The following FRMD6 variants were observed in gnomAD, a reference collection of about 807,000 sequenced individuals.
FRMD6 encodes FERM domain containing 6, also known as FERM domain-containing protein 6.
Under a neutral mutation model 73.2 loss-of-function variants are expected in FRMD6, and 37 were observed. That is an observed-to-expected ratio of 0.51 (90% CI 0.39 to 0.66). The LOEUF (loss-of-function observed/expected upper bound fraction) is 0.66, where lower values mean the gene tolerates loss of function less well. FRMD6 is among the 30% of genes least tolerant of loss of function. The pLI, the probability that FRMD6 is intolerant of heterozygous loss-of-function variation, is 0.00. For synonymous variants in FRMD6, 273 were observed against 282.2 expected, an observed-to-expected ratio of 0.97 and a Z score of 0.33; for missense variants, 714 against 780.5, an observed-to-expected ratio of 0.91 and a Z score of 1.02.
At chr14:51,486,181 C>G (rs899320437), upstream of FRMD6, among the ~76,000 whole-genome samples, 1 of 152,004 alleles carries the variant, frequency 6.6e-6, no homozygotes, top group African/African-American at 2.4e-5. Flanking sequence ...ACTACAGGCG[C>G]CCGCCACCAT....
chr14:51,639,434 C>CAAA (rs200501528), intron 2 of FRMD6, among the ~76,000 whole-genome samples: 1 of 144,722 alleles, frequency 6.9e-6, no homozygotes, highest in Non-Finnish European at 1.5e-5. Context: ...GACTCCATCT[C>CAAA]AAAAAAAAAA....
chr14:51,560,673 A>T (rs900767448), intron 1 of FRMD6, among the ~76,000 whole-genome samples: 2 of 152,154 alleles, frequency 1.3e-5, no homozygotes, highest in African/African-American at 4.8e-5. Flanking sequence ...TAGTAGAGAC[A>T]GGGTTTCACC....
In FRMD6 at chr14:51,525,425, A is replaced by G. The variant is rs879644759; in HGVS notation, c.-210+36005A>G. ...CTGGGACTACAGGTATGCACCACCA[A>G]GCCCAGCTAATTTTTTGTATTTTAG... is the stretch of plus-strand genomic sequence containing the variant. On this transcript the variant is annotated intron_variant, in intron 1 of 14. Transcript: ENST00000356218. Among the ~76,000 whole-genome samples, 13 of 151,756 alleles carry G rather than the reference A, an allele frequency of 8.6e-5. 1 individual carries two copies. The South Asian group carries it at 1.5e-3, about 17-fold the overall frequency.
At chr14:51,488,538 C>A (rs1596484112), upstream of FRMD6, among the ~76,000 whole-genome samples, 1 of 152,230 alleles carries the variant, frequency 6.6e-6, no homozygotes, top group African/African-American at 2.4e-5. Flanking sequence ...GTACTACCAC[C>A]TTCTTGGAAA....
intron 2 of FRMD6, among the ~76,000 whole-genome samples, chr14:51,632,831 A>C (rs1891390915): frequency 6.6e-6 from 1 of 152,248 alleles, no homozygotes; most frequent in Non-Finnish European, 1.5e-5. Context: ...TTTAAAAAAC[A>C]AAACTAACTT....
At chr14:51,682,564 C>G (rs1478930538) in intron 1 of FRMD6, among the ~76,000 whole-genome samples, 1 of 152,094 alleles carries the variant, frequency 6.6e-6, no homozygotes, top group Non-Finnish European at 1.5e-5. Flanking sequence ...ATGAGAATTT[C>G]TATGGATGGT....
intron 9 of FRMD6, chr14:51,713,847 T>C (rs1897095077): frequency 6.6e-6 from 1 of 152,228 alleles, no homozygotes; most frequent in African/African-American, 2.4e-5. Flanking sequence ...GAGCAAATTA[T>C]GACGCACTTG....
upstream of FRMD6, chr14:51,651,746 GCGCGCAGCT>G: frequency 6.8e-6 from 1 of 147,004 alleles, no homozygotes; most frequent in African/African-American, 2.5e-5. Context: ...CGCGAGCTCA[GCGCGCAGCT>G]CCCGCGGCTC....
At chr14:51,633,859 T>C (rs1732307471) in intron 2 of FRMD6, among the ~76,000 whole-genome samples, 1 of 152,218 alleles carries the variant, frequency 6.6e-6, no homozygotes, top group African/African-American at 2.4e-5. Flanking sequence ...GACAATTTGA[T>C]GTATCTTTTA....
intron 1 of FRMD6, among the ~76,000 whole-genome samples, chr14:51,686,858 T>C (rs1205053528): frequency 1.3e-5 from 2 of 152,186 alleles, no homozygotes; most frequent in Non-Finnish European, 2.9e-5. Context: ...CAATTTAAGA[T>C]TAAGTTTTAT....
At chr14:51,610,973 A>G (rs139220916) in intron 2 of FRMD6, among the ~76,000 whole-genome samples, 11 of 152,354 alleles carry the variant, frequency 7.2e-5, no homozygotes, top group African/African-American at 2.6e-4. Flanking sequence ...GCTTAAATAC[A>G]GGCATAAGAG....
the FRMD6 span, among the ~76,000 whole-genome samples, chr14:51,450,793 T>C: frequency 6.6e-6 from 1 of 152,194 alleles, no homozygotes; most frequent in African/African-American, 2.4e-5. Context: ...CTCAAATAGA[T>C]AGATAAATTC....
the FRMD6 span, among the ~76,000 whole-genome samples, chr14:51,430,619 A>T: frequency 6.6e-6 from 1 of 152,012 alleles, no homozygotes; most frequent in African/African-American, 2.4e-5. Context: ...AAAACAAAAA[A>T]CAACAAAAAA....
the FRMD6 span, among the ~76,000 whole-genome samples, chr14:51,447,982 A>G: frequency 1.7e-4 from 26 of 152,306 alleles, no homozygotes; most frequent in East Asian, 4.6e-3. Context: ...TAATGCTATC[A>G]CAGAGAAGCT....
the FRMD6 span, among the ~76,000 whole-genome samples, chr14:51,426,794 TA>T: frequency 1.6e-3 from 249 of 152,228 alleles, no homozygotes; most frequent in African/African-American, 5.6e-3. Flanking sequence ...CTACCTTCCT[TA>T]TTAGACCTTG....
intron 1 of FRMD6, among the ~76,000 whole-genome samples, chr14:51,662,508 G>A (rs1258462545): frequency 1.3e-5 from 2 of 152,152 alleles, no homozygotes; most frequent in Non-Finnish European, 2.9e-5. Context: ...ACCTGCAGCT[G>A]TCTGATTTGT....
intron 1 of FRMD6, among the ~76,000 whole-genome samples, chr14:51,682,738 C>T (rs1449625948): frequency 6.6e-6 from 1 of 152,162 alleles, no homozygotes; most frequent in Non-Finnish European, 1.5e-5. Context: ...TCACAAAGAG[C>T]AATACAAAAA....
chr14:51,638,692 G>C (rs1371559621), intron 2 of FRMD6, among the ~76,000 whole-genome samples: 1 of 152,162 alleles, frequency 6.6e-6, no homozygotes, highest in African/African-American at 2.4e-5. Context: ...GTTGCAGATG[G>C]AATGTAGAGG....
the FRMD6 span, among the ~76,000 whole-genome samples, chr14:51,451,668 A>G: frequency 6.6e-6 from 1 of 152,234 alleles, no homozygotes; most frequent in Non-Finnish European, 1.5e-5. Flanking sequence ...GGCGTGAGCC[A>G]TCACACTTGG....
Sources: gnomAD v4.1 joint callset for allele counts (sites outside exome capture counted in the v4.1 genomes callset) on GRCh38, gnomAD v4.1.1 for gene constraint, MANE v1.5 for transcripts, NCBI Gene and HGNC (gene_info 2026-07-23, HGNC 2026-07-21) for gene names.